Variants in F13A1 observed in about 807,000 individuals in gnomAD.
F13A1 encodes coagulation factor XIII A chain, also known as FSF, A subunit.
F13A1 carries 47 observed loss-of-function variants against 80.1 expected under a neutral mutation model. That is an observed-to-expected ratio of 0.59 (90% CI 0.46 to 0.75). The LOEUF is 0.75. Ranked by LOEUF, F13A1 falls within the 30% of genes least tolerant of loss-of-function variation. F13A1 has a pLI of 0.00. For missense variants in F13A1, 817 were observed against 930.4 expected (o/e 0.88, Z 1.59); for synonymous variants, 349 against 344.9 (o/e 1.01, Z -0.13).
chr6:6,316,077 GCATATATATATATATA>G (rs1482742781), intron 2 of F13A1, among the ~76,000 whole-genome samples: 11 of 49,656 alleles, frequency 2.2e-4, no homozygotes, highest in South Asian at 8.0e-4. Context: ...ATGTGTGTGT[GCATATATATATATATA>G]TATATATATA....
At chr6:6,214,419 C>T (rs1377843019) in intron 8 of F13A1, among the ~76,000 whole-genome samples, 1 of 142,032 alleles carries the variant, frequency 7.0e-6, no homozygotes, top group East Asian at 2.0e-4. Flanking sequence ...CAACCTGCTC[C>T]TGAATGACTA....
intron 11 of F13A1, among the ~76,000 whole-genome samples, chr6:6,177,254 C>G (rs1361100044): frequency 1.1e-4 from 16 of 152,124 alleles, no homozygotes; most frequent in Non-Finnish European, 2.4e-4. Context: ...TTGGACGAAG[C>G]CTCTCATTCT....
At position 6,182,141 on chromosome 6, in the gene F13A1, C is replaced by G; in HGVS notation, c.1306G>C (p.Val436Leu). 1 of 1,614,024 alleles carries G rather than the reference C, an allele frequency of 6.2e-7. No individual in the cohort carries two copies. Residue 436 changes from valine (V) to leucine (L), a missense_variant and splice_region_variant, in exon 11 of 15, where the codon GTC (valine) becomes CTC (leucine). Val to Leu is a conservative substitution (Grantham distance 32). Transcript: ENST00000264870. ...QFDAPFVFAE[V>L]NSDLIYITAK... ...GTAATGTAAATGAGGTCGCTGTTGA[C>G]CTGGAAACAGGAGAGGAGAGCATTA...
rs1216251359 is a variant in F13A1, at chr6:6,174,607, A to G, written c.1720T>C (p.Phe574Leu). The G allele has an allele frequency of 6.2e-7, 1 of 1,614,144 alleles. No homozygotes were observed. The highest frequency in any genetic ancestry group is 1.1e-5 in the South Asian group (1 of 91,078). ...GACAAGGGCTCCAGCGTCACGTCGA[A>G]CGTCTCCTTCTTGAATTCTGCCTTC... is the stretch of plus-strand genomic sequence containing the variant. ...VPKAEFKKET[F>L]DVTLEPLSFK... is the part of the protein sequence containing the mutation. The change falls in exon 12 of 15, where the codon TTC (phenylalanine) becomes CTC (leucine). Residue 574 changes from phenylalanine to leucine, a missense_variant. Phe to Leu is a conservative substitution (Grantham distance 22, BLOSUM62 0). Coordinates refer to ENST00000264870, the MANE Select transcript of F13A1 (RefSeq NM_000129.4).
chr6:6,208,972 G>T (rs55815407), intron 8 of F13A1, among the ~76,000 whole-genome samples: 19,165 of 152,132 alleles, frequency 0.13, 1,620 homozygotes, highest in Non-Finnish European at 0.19. Flanking sequence ...AGCATCCAAA[G>T]AAATAATTAA....
chr6:6,308,231 C>T (rs1435788820), intron 2 of F13A1, among the ~76,000 whole-genome samples: 1 of 152,088 alleles, frequency 6.6e-6, no homozygotes, highest in Non-Finnish European at 1.5e-5. Flanking sequence ...ACCATGTTGG[C>T]CAGGCTGGTC....
Position 6,267,071 on chromosome 6 carries a change from G to T in F13A1, c.320-262C>A, listed in dbSNP as rs3024358. On this transcript the variant is annotated intron_variant, in intron 3 of 14. Coordinates refer to ENST00000264870, the MANE Select transcript of F13A1 (RefSeq NM_000129.4). ...TAAGACAAGCAAACAGTGCTCCATTGTAACCTCCCTAATTACTAATTTCAA... is the reference window on the plus strand; with the variant it reads ...TAAGACAAGCAAACAGTGCTCCATTTTAACCTCCCTAATTACTAATTTCAA... 0.16 allele frequency among the ~76,000 whole-genome samples: 25,001 copies of T among 152,120 alleles called. 2,195 individuals carry two copies. Among genetic ancestry groups the T allele is most frequent in the Non-Finnish European group, 0.19 (12,897 of 67,982 alleles).
Position 6,320,578 on chromosome 6 carries a change from G to A in F13A1, c.-19+9C>T, listed in dbSNP as rs1289499362. On this transcript the variant is annotated intron_variant, in intron 1 of 14. Transcript: ENST00000264870. ...CCCTGGCTCATAGGGTGCAGGGTCGGTGGCTTACCTGCAGGCGCTCCCCTC... is the reference window on the plus strand; with the variant it reads ...CCCTGGCTCATAGGGTGCAGGGTCGATGGCTTACCTGCAGGCGCTCCCCTC... The A allele has an allele frequency of 2.1e-6, 1 of 467,502 alleles. No individual in the cohort carries two copies. The highest frequency in any genetic ancestry group is 4.4e-6 in the Non-Finnish European group (1 of 225,156). The allele number at this position is 467,502 out of a possible 1,614,324, so 29.0% of individuals were successfully genotyped here.
At chr6:6,245,506 G>A (rs1410825895) in intron 6 of F13A1, among the ~76,000 whole-genome samples, 2 of 152,224 alleles carry the variant, frequency 1.3e-5, no homozygotes, top group Admixed American at 6.5e-5. Flanking sequence ...TTACAGGCGT[G>A]AGCCACCGTT....
intron 11 of F13A1, among the ~76,000 whole-genome samples, chr6:6,176,396 C>A (rs1760883469): frequency 6.6e-6 from 1 of 152,154 alleles, no homozygotes; most frequent in Non-Finnish European, 1.5e-5. Context: ...ACTATTATTA[C>A]CATCACTTTC....
At chr6:6,210,866 T>C (rs976044667) in intron 8 of F13A1, among the ~76,000 whole-genome samples, 6 of 152,150 alleles carry the variant, frequency 3.9e-5, no homozygotes, top group African/African-American at 1.4e-4. Context: ...GTAGCGGGGA[T>C]TACAGGCATG....
Position 6,233,320 on chromosome 6 carries a change from C to T in F13A1, c.799-8460G>A, listed in dbSNP as rs554023832. Among the ~76,000 whole-genome samples the T allele has an allele frequency of 6.7e-4, 102 of 152,144 alleles. No individual in the cohort carries two copies. The East Asian group carries it at 7.1e-3, about 11-fold the overall frequency. ...GATCATTCAAGGCTACTATGAACAC[C>T]TTAATGCACATAAACTATAAAATCT... On this transcript the variant is annotated intron_variant, in intron 6 of 14. Coordinates refer to ENST00000264870, the MANE Select transcript of F13A1 (RefSeq NM_000129.4).
At chr6:6,231,410 C>T (rs1040164801) in intron 6 of F13A1, among the ~76,000 whole-genome samples, 2 of 151,886 alleles carry the variant, frequency 1.3e-5, no homozygotes, top group Non-Finnish European at 2.9e-5. Flanking sequence ...AACAAAGCCA[C>T]CAAGAAGTCT....
intron 8 of F13A1, among the ~76,000 whole-genome samples, chr6:6,199,298 G>A (rs1761349462): frequency 6.6e-6 from 1 of 152,072 alleles, no homozygotes; most frequent in African/African-American, 2.4e-5. Flanking sequence ...GACCATCCTG[G>A]TTAACACGGT....
intron 3 of F13A1, among the ~76,000 whole-genome samples, chr6:6,272,134 A>G (rs1757929425): frequency 6.6e-6 from 1 of 152,232 alleles, no homozygotes; most frequent in South Asian, 2.1e-4. Context: ...CAGAGAGCCC[A>G]CTGCACGCAA....
intron 11 of F13A1, among the ~76,000 whole-genome samples, chr6:6,179,948 G>A (rs548374169): frequency 6.6e-6 from 1 of 152,278 alleles, no homozygotes; most frequent in African/African-American, 2.4e-5. Flanking sequence ...TCCTCTCGTG[G>A]CATCTGATTC....
chr6:6,274,287 A>C (rs1757958926), intron 3 of F13A1, among the ~76,000 whole-genome samples: 2 of 152,206 alleles, frequency 1.3e-5, no homozygotes, highest in South Asian at 4.1e-4. Context: ...ATTTTATTTT[A>C]CTTTTCTTTC....
intron 3 of F13A1, among the ~76,000 whole-genome samples, chr6:6,294,713 CTTTT>C (rs373278722): frequency 2.4e-5 from 3 of 123,614 alleles, no homozygotes; most frequent in Admixed American, 9.0e-5. Flanking sequence ...GGTAGAGATT[CTTTT>C]TTTTTTAGTC....
intron 3 of F13A1, among the ~76,000 whole-genome samples, chr6:6,296,508 A>G (rs979227919): frequency 2.0e-4 from 30 of 150,762 alleles, no homozygotes; most frequent in Non-Finnish European, 3.8e-4. Context: ...CTTTGAAGCA[A>G]TTGTGAATGG....
Sources: allele counts gnomAD v4.1 joint callset (sites outside exome capture counted in the v4.1 genomes callset), GRCh38; gene constraint gnomAD v4.1.1; transcripts MANE v1.5; gene names NCBI Gene and HGNC (gene_info 2026-07-23, HGNC 2026-07-21).